PDE1C: variants seen among roughly 807,000 people sequenced by gnomAD.
The protein encoded by PDE1C is dual specificity calcium/calmodulin-dependent 3',5'-cyclic nucleotide phosphodiesterase 1C.
A neutral mutation model predicts 93.1 loss-of-function variants in PDE1C; 62 were observed. That is an observed-to-expected ratio of 0.67 (90% CI 0.54 to 0.82). The LOEUF is 0.82. Among genes scored for constraint, PDE1C ranks in the 40% least tolerant of loss-of-function variants. The pLI is 0.00. For synonymous variants in PDE1C, 325 were observed against 310.1 expected (o/e 1.05, Z -0.50); for missense variants, 742 against 884.6 (o/e 0.84, Z 2.04).
intron 2 of PDE1C, among the ~76,000 whole-genome samples, chr7:31,975,308 C>T (rs781142429): frequency 3.3e-5 from 5 of 152,160 alleles, no homozygotes; most frequent in Non-Finnish European, 5.9e-5. Flanking sequence ...TGTGTTCCTC[C>T]AGAGTACTTA....
intron 2 of PDE1C, among the ~76,000 whole-genome samples, chr7:32,026,801 T>A (rs1789493394): frequency 1.3e-5 from 2 of 151,938 alleles, no homozygotes; most frequent in Non-Finnish European, 2.9e-5. Flanking sequence ...CTGTGGTACA[T>A]CTAGACAGTG....
chr7:32,127,018 C>G (rs556580094), intron 3 of PDE1C, among the ~76,000 whole-genome samples: 1 of 152,260 alleles, frequency 6.6e-6, no homozygotes, highest in South Asian at 2.1e-4. Flanking sequence ...AGGTTGCCCT[C>G]CCCAGTGTGA....
At chr7:32,384,569 G>A (rs764616656) in intron 1 of PDE1C, among the ~76,000 whole-genome samples, 1 of 152,118 alleles carries the variant, frequency 6.6e-6, no homozygotes, top group Non-Finnish European at 1.5e-5. Context: ...CAGTCTGTGA[G>A]AGAACTGAGA....
chr7:31,669,782 A>G, the PDE1C span, among the ~76,000 whole-genome samples: 1 of 152,144 alleles, frequency 6.6e-6, no homozygotes, highest in Non-Finnish European at 1.5e-5. Flanking sequence ...TTTCAACACA[A>G]TTTTCAATGG....
intron 1 of PDE1C, among the ~76,000 whole-genome samples, chr7:32,224,408 A>T (rs1807102083): frequency 6.6e-6 from 1 of 151,882 alleles, no homozygotes; most frequent in Non-Finnish European, 1.5e-5. Context: ...AGTCAGGCAG[A>T]CCTAACTTGG....
the PDE1C span, among the ~76,000 whole-genome samples, chr7:31,698,587 A>G: frequency 2.6e-5 from 4 of 152,242 alleles, no homozygotes; most frequent in Admixed American, 6.5e-5. Context: ...GACATGCAGA[A>G]GTCTAATCTT....
intron 2 of PDE1C, among the ~76,000 whole-genome samples, chr7:31,965,652 A>G (rs1196753296): frequency 6.6e-6 from 1 of 152,194 alleles, no homozygotes; most frequent in African/African-American, 2.4e-5. Context: ...AAGACACATA[A>G]TTGTCAGATT....
intron 2 of PDE1C, among the ~76,000 whole-genome samples, chr7:31,921,795 T>G (rs1055587455): frequency 2.6e-5 from 4 of 152,252 alleles, no homozygotes; most frequent in Non-Finnish European, 4.4e-5. Flanking sequence ...ATGCTTTTAC[T>G]GTTATTAATA....
the PDE1C span, among the ~76,000 whole-genome samples, chr7:31,668,686 G>T: frequency 6.6e-6 from 1 of 152,124 alleles, no homozygotes; most frequent in African/African-American, 2.4e-5. Flanking sequence ...TGGGAAGGGA[G>T]AATGGGAGTG....
chr7:32,307,947 A>T (rs1334836433), intron 1 of PDE1C, among the ~76,000 whole-genome samples: 1 of 152,250 alleles, frequency 6.6e-6, no homozygotes, highest in Non-Finnish European at 1.5e-5. Context: ...TCACTTGGGA[A>T]GTGCAAGGGG....
chr7:31,690,655 C>A, the PDE1C span, among the ~76,000 whole-genome samples: 120 of 152,244 alleles, frequency 7.9e-4, no homozygotes, highest in Non-Finnish European at 1.3e-3. Flanking sequence ...ACTAAATAAC[C>A]TGCTATTAGG....
At chr7:31,629,610 A>G in the PDE1C span, among the ~76,000 whole-genome samples, 1 of 152,200 alleles carries the variant, frequency 6.6e-6, no homozygotes, top group Non-Finnish European at 1.5e-5. Context: ...TGCGAATTTT[A>G]TCTTTCAAAA....
At chr7:32,078,369 A>G (rs2128734063) in intron 3 of PDE1C, among the ~76,000 whole-genome samples, 1 of 152,290 alleles carries the variant, frequency 6.6e-6, no homozygotes, top group East Asian at 1.9e-4. Context: ...CCCACTTCCA[A>G]CGGAGGACTG....
chr7:31,958,352 C>G (rs1437105030), intron 2 of PDE1C, among the ~76,000 whole-genome samples: 1 of 152,176 alleles, frequency 6.6e-6, no homozygotes, highest in Admixed American at 6.5e-5. Flanking sequence ...GTGCATCTGA[C>G]ATTATGTGGT....
intron 1 of PDE1C, among the ~76,000 whole-genome samples, chr7:32,257,768 G>C (rs1202647579): frequency 6.6e-6 from 1 of 152,142 alleles, no homozygotes; most frequent in African/African-American, 2.4e-5. Flanking sequence ...CCAGAAGAGG[G>C]GGCTGCTCCC....
chr7:31,848,943 AG>A (rs1289606304), intron 8 of PDE1C, among the ~76,000 whole-genome samples: 1 of 152,222 alleles, frequency 6.6e-6, no homozygotes, highest in Non-Finnish European at 1.5e-5. Flanking sequence ...TATTCATCAA[AG>A]GATTAAGGGC....
chr7:32,122,269 A>T (rs1205988444), intron 3 of PDE1C, among the ~76,000 whole-genome samples: 1 of 152,224 alleles, frequency 6.6e-6, no homozygotes, highest in Non-Finnish European at 1.5e-5. Context: ...AAACAATAAT[A>T]GTGGGAGACT....
At chr7:31,983,912 T>C (rs1783028681) in intron 2 of PDE1C, among the ~76,000 whole-genome samples, 1 of 152,076 alleles carries the variant, frequency 6.6e-6, no homozygotes. Context: ...CCTGACCATA[T>C]GAACTGGCAG....
At chr7:32,092,964 A>G (rs1229778769) in intron 3 of PDE1C, among the ~76,000 whole-genome samples, 1 of 152,222 alleles carries the variant, frequency 6.6e-6, no homozygotes, top group African/African-American at 2.4e-5. Context: ...ACTTCAAACT[A>G]CAGCTTTCAC....
Sources: gnomAD v4.1 joint callset for allele counts (sites outside exome capture counted in the v4.1 genomes callset) on GRCh38, gnomAD v4.1.1 for gene constraint, MANE v1.5 for transcripts, NCBI Gene and HGNC (gene_info 2026-07-23, HGNC 2026-07-21) for gene names.